The following TENM1 variants were observed in gnomAD, a reference collection of about 807,000 sequenced individuals.
The protein encoded by TENM1 is teneurin transmembrane protein 1, also known as teneurin-1.
A neutral mutation model predicts 174.8 loss-of-function variants in TENM1; 35 were observed. That is an observed-to-expected ratio of 0.20 (90% CI 0.15 to 0.27). The LOEUF is 0.27. Among genes scored for constraint, TENM1 ranks in the 10% least tolerant of loss-of-function variants. The probability of loss-of-function intolerance (pLI) is 1.00; values close to 1 mark genes in which losing one functional copy is unlikely to be tolerated. For missense variants in TENM1, 1,633 were observed against 2,130.1 expected (o/e 0.77, Z 4.59); for synonymous variants, 781 against 798.7 (o/e 0.98, Z 0.37).
At chrX:124,514,155 T>C (rs2047645183) in intron 18 of TENM1, among the ~76,000 whole-genome samples, 1 of 110,723 alleles carries the variant, frequency 9.0e-6, no homozygotes, top group African/African-American at 3.3e-5. Context: ...GTCTATGAAA[T>C]ATACCTCAAT....
intron 27 of TENM1, among the ~76,000 whole-genome samples, chrX:124,401,690 T>C (rs1379250331): frequency 1.8e-5 from 2 of 111,995 alleles, no homozygotes; most frequent in African/African-American, 6.5e-5. Flanking sequence ...TTTGTCAAAA[T>C]TGGATTCACA....
the TENM1 span, among the ~76,000 whole-genome samples, chrX:125,076,623 T>C: frequency 9.0e-6 from 1 of 111,489 alleles, no homozygotes; most frequent in Non-Finnish European, 1.9e-5. Flanking sequence ...ATCTATAGCA[T>C]AGGCAGTGTT....
chrX:124,539,303 TC>T (rs1158965150), intron 15 of TENM1, among the ~76,000 whole-genome samples: 1 of 111,389 alleles, frequency 9.0e-6, no homozygotes, highest in Non-Finnish European at 1.9e-5. Flanking sequence ...TAGTGTCACC[TC>T]CTCAGAGAGG....
chrX:124,451,252 A>G (rs1280766996), intron 23 of TENM1, among the ~76,000 whole-genome samples: 15 of 110,722 alleles, frequency 1.4e-4, no homozygotes, highest in Non-Finnish European at 9.4e-5. Context: ...TGAGAGCTAC[A>G]CTGAATTTTC....
the TENM1 span, among the ~76,000 whole-genome samples, chrX:124,999,716 T>G: frequency 9.0e-6 from 1 of 110,712 alleles, no homozygotes; most frequent in Non-Finnish European, 1.9e-5. Context: ...TTTGTAAGTC[T>G]CAAGGATCTG....
At chrX:124,399,046 T>G (rs188842435) in intron 27 of TENM1, among the ~76,000 whole-genome samples, 1 of 112,281 alleles carries the variant, frequency 8.9e-6, no homozygotes. Context: ...TTTGAAGAAT[T>G]TGATTCAATA....
chrX:124,587,160 A>C (rs1275092339), intron 11 of TENM1, among the ~76,000 whole-genome samples: 1 of 109,744 alleles, frequency 9.1e-6, no homozygotes, highest in Non-Finnish European at 1.9e-5. Context: ...GCTACCAATG[A>C]CTTTCTTCAC....
At chrX:124,908,377 G>T (rs769554005) in intron 1 of TENM1, among the ~76,000 whole-genome samples, 1 of 110,684 alleles carries the variant, frequency 9.0e-6, no homozygotes, top group African/African-American at 3.3e-5. Context: ...CTGTGTCCAT[G>T]TGTTCTCATT....
intron 11 of TENM1, among the ~76,000 whole-genome samples, chrX:124,578,642 G>A (rs1352312314): frequency 8.9e-6 from 1 of 111,957 alleles, no homozygotes; most frequent in Non-Finnish European, 1.9e-5. Flanking sequence ...GACTGCCTCT[G>A]TTTCCAATAC....
intron 3 of TENM1, among the ~76,000 whole-genome samples, chrX:124,834,054 G>A (rs757702077): frequency 4.5e-5 from 5 of 111,590 alleles, no homozygotes; most frequent in African/African-American, 6.5e-5. Context: ...CCCCCGCCAT[G>A]CCTGGGGCAA....
chrX:124,972,188 G>A, the TENM1 span, among the ~76,000 whole-genome samples: 4 of 108,178 alleles, frequency 3.7e-5, no homozygotes, highest in Non-Finnish European at 7.7e-5. Flanking sequence ...AGACAAGATC[G>A]TGCCACTGCA....
the TENM1 span, among the ~76,000 whole-genome samples, chrX:125,175,835 T>A: frequency 8.9e-6 from 1 of 112,072 alleles, no homozygotes; most frequent in Non-Finnish European, 1.9e-5. Flanking sequence ...CTTAGCACAG[T>A]GCCTGGCACA....
the TENM1 span, among the ~76,000 whole-genome samples, chrX:125,044,957 C>T: frequency 9.0e-6 from 1 of 111,698 alleles, no homozygotes; most frequent in Non-Finnish European, 1.9e-5. Context: ...AATCCATTCT[C>T]ATACTGCTAT....
At chrX:124,586,638 T>C (rs2049523719) in intron 11 of TENM1, among the ~76,000 whole-genome samples, 1 of 108,391 alleles carries the variant, frequency 9.2e-6, no homozygotes, top group African/African-American at 3.4e-5. Flanking sequence ...AAGAGAGGGA[T>C]GCCCTCTCTC....
the TENM1 span, among the ~76,000 whole-genome samples, chrX:125,166,042 G>A: frequency 1.1e-4 from 12 of 111,070 alleles, no homozygotes; most frequent in East Asian, 2.8e-4. Flanking sequence ...CACCCTACTC[G>A]TTAGGGAGTA....
chrX:125,154,225 G>T, the TENM1 span, among the ~76,000 whole-genome samples: 1 of 111,975 alleles, frequency 8.9e-6, no homozygotes, highest in Non-Finnish European at 1.9e-5. Flanking sequence ...AAAAGAAAGG[G>T]CACTGGCATT....
intron 23 of TENM1, among the ~76,000 whole-genome samples, chrX:124,426,016 G>A (rs1405400915): frequency 9.3e-6 from 1 of 107,265 alleles, no homozygotes; most frequent in Non-Finnish European, 1.9e-5. Context: ...GTGTGTGTGT[G>A]TGTGTGTGTG....
chrX:124,755,335 T>G (rs1353509009), intron 3 of TENM1, among the ~76,000 whole-genome samples: 27 of 111,365 alleles, frequency 2.4e-4, no homozygotes, highest in African/African-American at 6.5e-4. Context: ...GTTTTCCATT[T>G]GCTTGGTAGA....
intron 11 of TENM1, among the ~76,000 whole-genome samples, chrX:124,585,973 C>A (rs775766445): frequency 4.4e-4 from 49 of 110,384 alleles, no homozygotes; most frequent in Admixed American, 1.1e-3. Flanking sequence ...TACACCCTCC[C>A]AAGACTAAAC....
Sources: allele counts gnomAD v4.1 joint callset (sites outside exome capture counted in the v4.1 genomes callset), GRCh38; gene constraint gnomAD v4.1.1; transcripts MANE v1.5; gene names NCBI Gene and HGNC (gene_info 2026-07-23, HGNC 2026-07-21).